Variants in FILIP1 observed in about 807,000 individuals in gnomAD.
FILIP1 encodes filamin A interacting protein 1, also known as filamin-A-interacting protein 1.
In FILIP1, 61 loss-of-function variants were observed where a neutral mutation model predicts 102.1. The observed-to-expected ratio is 0.60, with a 90% CI of 0.49 to 0.74. The LOEUF is 0.74. Among genes scored for constraint, FILIP1 ranks in the 30% least tolerant of loss-of-function variants. The probability of loss-of-function intolerance (pLI) is 0.00; values close to 1 mark genes in which losing one functional copy is unlikely to be tolerated. For synonymous variants in FILIP1, 491 were observed against 526.9 expected, an observed-to-expected ratio of 0.93 and a Z score of 0.93; for missense variants, 1,314 against 1,441.2, an observed-to-expected ratio of 0.91 and a Z score of 1.43.
At chr6:75,372,665 GAAAGAAAGAA>G (rs1346516313) in intron 2 of FILIP1, among the ~76,000 whole-genome samples, 680 of 59,358 alleles carry the variant, frequency 0.011, 2 homozygotes, top group Middle Eastern at 0.024. Flanking sequence ...AAGAAAGAAA[GAAAGAAAGAA>G]AGAAAGAAAG....
chr6:75,374,740 C>T (rs1775698984), intron 2 of FILIP1, among the ~76,000 whole-genome samples: 1 of 152,122 alleles, frequency 6.6e-6, no homozygotes, highest in Non-Finnish European at 1.5e-5. Context: ...AACTAGATGA[C>T]ATTTTCTCAC....
At chr6:75,330,466 C>T (rs1257406184) in intron 4 of FILIP1, among the ~76,000 whole-genome samples, 1 of 151,808 alleles carries the variant, frequency 6.6e-6, no homozygotes, top group Admixed American at 6.6e-5. Flanking sequence ...AATTTTTGAC[C>T]CTAGCCCAGT....
intron 3 of FILIP1, among the ~76,000 whole-genome samples, chr6:75,361,365 G>C (rs1775168226): frequency 1.3e-5 from 2 of 152,174 alleles, no homozygotes; most frequent in African/African-American, 4.8e-5. Flanking sequence ...TTGGTGGTGA[G>C]GGTGGGGAGT....
At chr6:75,335,519 TC>T (rs1774214531) in intron 4 of FILIP1, among the ~76,000 whole-genome samples, 1 of 152,056 alleles carries the variant, frequency 6.6e-6, no homozygotes, top group African/African-American at 2.4e-5. Context: ...CCTCCCTCCT[TC>T]CCTTCATTCC....
intron 1 of FILIP1, among the ~76,000 whole-genome samples, chr6:75,483,019 GCTTT>G (rs1453931071): frequency 7.1e-6 from 1 of 139,908 alleles, no homozygotes; most frequent in African/African-American, 2.5e-5. Flanking sequence ...CTTTTTGTTT[GCTTT>G]CTATTGCAAA....
intron 2 of FILIP1, among the ~76,000 whole-genome samples, chr6:75,388,109 C>G (rs963050275): frequency 5.3e-5 from 8 of 151,988 alleles, no homozygotes; most frequent in Non-Finnish European, 1.0e-4. Context: ...ATGGCTAGCC[C>G]GTTTTCCCAA....
intron 2 of FILIP1, among the ~76,000 whole-genome samples, chr6:75,388,492 T>C (rs1776173901): frequency 6.6e-6 from 1 of 152,226 alleles, no homozygotes; most frequent in Non-Finnish European, 1.5e-5. Context: ...TTTCACAATA[T>C]TGATTCCTCC....
intron 6 of FILIP1, chr6:75,296,859 T>C (rs537642862): frequency 2.0e-5 from 3 of 152,306 alleles, no homozygotes; most frequent in South Asian, 4.1e-4. Flanking sequence ...TTAATATTTA[T>C]ATTTATTTGG....
intron 2 of FILIP1, among the ~76,000 whole-genome samples, chr6:75,414,409 T>TA (rs1777181626): frequency 6.6e-6 from 1 of 152,162 alleles, no homozygotes; most frequent in Admixed American, 6.6e-5. Context: ...ATTGATTACC[T>TA]ACTGACCGAA....
intron 4 of FILIP1, among the ~76,000 whole-genome samples, chr6:75,336,920 T>A: frequency 6.6e-6 from 1 of 152,190 alleles, no homozygotes; most frequent in East Asian, 1.9e-4. Context: ...AATGGTGCTA[T>A]AACCCTTCTT....
At chr6:75,315,797 C>G (rs949483626) in intron 4 of FILIP1, among the ~76,000 whole-genome samples, 2 of 152,192 alleles carry the variant, frequency 1.3e-5, no homozygotes, top group African/African-American at 4.8e-5. Flanking sequence ...CTCTCCACCT[C>G]TGCATCATAT....
Position 75,313,359 on chromosome 6 carries a change from G to C in FILIP1, c.2473C>G (p.Arg825Gly). Residue 825 changes from arginine (R) to glycine (G), a missense_variant, in exon 5 of 6, where the codon CGG becomes GGG. Physicochemically the swap from Arg to Gly is moderately radical, Grantham distance 125. Coordinates refer to ENST00000237172, the MANE Select transcript of FILIP1 (RefSeq NM_015687.5). This position sits in a 1 kb window ranked among gnomAD's most constrained non-coding sequence, Gnocchi z 4.2. ...TGATTTTCTTCCTGGAAGGATTTCC[G>C]TATGAATACAGCTGGCGTTTCTTCC... ...AEEETPAVFI[R>G]KSFQEENHIM... 1 of 1,614,136 alleles carries C rather than the reference G, an allele frequency of 6.2e-7. No individual in the cohort carries two copies. The highest frequency in any genetic ancestry group is 8.5e-7 in the Non-Finnish European group (1 of 1,180,036).
chr6:75,466,657 T>A (rs1779176012), intron 1 of FILIP1, among the ~76,000 whole-genome samples: 1 of 152,224 alleles, frequency 6.6e-6, no homozygotes, highest in Non-Finnish European at 1.5e-5. Flanking sequence ...ACTATTGGTA[T>A]GTAGAGGACC....
At chr6:75,445,030 G>A (rs1460464836) in intron 1 of FILIP1, among the ~76,000 whole-genome samples, 2 of 152,036 alleles carry the variant, frequency 1.3e-5, no homozygotes, top group Non-Finnish European at 2.9e-5. Flanking sequence ...ACATAAATTC[G>A]AGGCTGAGAC....
intron 2 of FILIP1, among the ~76,000 whole-genome samples, chr6:75,364,261 C>T (rs1485791233): frequency 1.3e-5 from 2 of 152,202 alleles, no homozygotes; most frequent in Admixed American, 1.3e-4. Context: ...AATGGAAAGG[C>T]AATGTGTCTC....
chr6:75,342,831 A>T (rs1224500934), intron 4 of FILIP1, among the ~76,000 whole-genome samples: 1 of 152,164 alleles, frequency 6.6e-6, no homozygotes, highest in African/African-American at 2.4e-5. Context: ...AAAAATCTAG[A>T]TATTCTTTTA....
chr6:75,480,551 C>T (rs1175873304), intron 1 of FILIP1, among the ~76,000 whole-genome samples: 1 of 152,170 alleles, frequency 6.6e-6, no homozygotes, highest in Non-Finnish European at 1.5e-5. Flanking sequence ...AATTATCCAA[C>T]ATGTGCTCCA....
chr6:75,431,021 AG>A (rs1165050038), intron 1 of FILIP1, among the ~76,000 whole-genome samples: 2 of 152,220 alleles, frequency 1.3e-5, no homozygotes, highest in African/African-American at 4.8e-5. Context: ...AACTCAGGAA[AG>A]TTGCATGTTA....
At position 75,308,677 on chromosome 6, in the gene FILIP1, C is replaced by T. The variant is rs920912640; in HGVS notation, c.*14G>A. 1.2e-6 allele frequency: 2 copies of T among 1,612,316 alleles called. No individual in the cohort carries two copies. Among genetic ancestry groups the T allele is most frequent in the African/African-American group, 1.3e-5 (1 of 74,988 alleles). On this transcript the variant is annotated 3_prime_UTR_variant, in exon 6 of 6. Transcript: ENST00000237172. ...CAGTAGCATCTGCACAACATACCCC[C>T]TTAGCCACTGCCCTCAGCCCTTCCC...
Sources: allele counts gnomAD v4.1 joint callset (sites outside exome capture counted in the v4.1 genomes callset), GRCh38; gene constraint gnomAD v4.1.1; non-coding constraint Gnocchi (gnomAD v3.1); transcripts MANE v1.5; gene names NCBI Gene and HGNC (gene_info 2026-07-23, HGNC 2026-07-21).